BCKDHB: variants seen among roughly 807,000 people sequenced by gnomAD.
The protein encoded by BCKDHB is 2-oxoisovalerate dehydrogenase subunit beta, mitochondrial.
Under a neutral mutation model 48.5 loss-of-function variants are expected in BCKDHB, and 41 were observed. That is an observed-to-expected ratio of 0.85 (90% CI 0.66 to 1.10). The LOEUF is 1.10. Ranked by LOEUF, BCKDHB falls within the 50% of genes least tolerant of loss-of-function variation. BCKDHB has a pLI of 0.00. For missense variants in BCKDHB, 496 were observed against 494.2 expected, an observed-to-expected ratio of 1.00 and a Z score of -0.03; for synonymous variants, 201 against 174.8, an observed-to-expected ratio of 1.15 and a Z score of -1.18.
At chr6:80,404,483 T>C in the BCKDHB span, among the ~76,000 whole-genome samples, 1 of 151,886 alleles carries the variant, frequency 6.6e-6, no homozygotes, top group Non-Finnish European at 1.5e-5. Flanking sequence ...TAGCTAAGAA[T>C]TTGTCTATTT....
intron 9 of BCKDHB, among the ~76,000 whole-genome samples, chr6:80,291,921 G>C (rs1375792498): frequency 6.6e-6 from 1 of 152,168 alleles, no homozygotes; most frequent in Non-Finnish European, 1.5e-5. Context: ...CACATAAGCT[G>C]TTTTTAAATT....
rs115862878 is a variant in BCKDHB, at chr6:80,212,954, T to A, written c.951+9742T>A. On this transcript the variant is annotated intron_variant, in intron 8 of 9. Transcript: ENST00000320393. Reference sequence around the variant, plus strand: ...GTACTCTTGTTATTTACATTGTTGATCTTTCTTCCAAGTTCTGTGACAGCA... The same window carrying A: ...GTACTCTTGTTATTTACATTGTTGAACTTTCTTCCAAGTTCTGTGACAGCA... Among the ~76,000 whole-genome samples the A allele has an allele frequency of 5.7e-3, 873 of 152,312 alleles. 10 individuals carry two copies. The highest frequency in any genetic ancestry group is 0.02 in the African/African-American group (839 of 41,568).
the BCKDHB span, among the ~76,000 whole-genome samples, chr6:80,460,749 G>A: frequency 6.6e-6 from 1 of 152,090 alleles, no homozygotes; most frequent in Non-Finnish European, 1.5e-5. Flanking sequence ...TAATACTTTT[G>A]GAACAAGACT....
At chr6:80,186,346 G>T (rs1198398231) in intron 6 of BCKDHB, among the ~76,000 whole-genome samples, 7 of 152,112 alleles carry the variant, frequency 4.6e-5, no homozygotes, top group Non-Finnish European at 1.0e-4. Flanking sequence ...CAGGGAAGGG[G>T]GGAAAGCCGG....
chr6:80,407,432 A>G, the BCKDHB span, among the ~76,000 whole-genome samples: 2 of 152,138 alleles, frequency 1.3e-5, no homozygotes, highest in African/African-American at 2.4e-5. Context: ...CATTGAATCT[A>G]TAAGTTACCT....
chr6:80,111,817 TAGAC>T (rs745805376), intron 1 of BCKDHB, among the ~76,000 whole-genome samples: 83 of 152,094 alleles, frequency 5.5e-4, no homozygotes, highest in Middle Eastern at 3.4e-3. Context: ...CAAAAACAAA[TAGAC>T]AGGAAACCAT....
intron 9 of BCKDHB, among the ~76,000 whole-genome samples, chr6:80,299,031 G>T (rs1767411974): frequency 1.3e-5 from 2 of 151,394 alleles, no homozygotes; most frequent in Admixed American, 1.3e-4. Context: ...ACATCCCATA[G>T]TGCCAAACCC....
chr6:80,204,224 G>A (rs1774531246), intron 8 of BCKDHB, among the ~76,000 whole-genome samples: 1 of 152,050 alleles, frequency 6.6e-6, no homozygotes, highest in Non-Finnish European at 1.5e-5. Context: ...AGCCTAGGAT[G>A]TTTTTAGGTG....
At chr6:80,182,154 A>T (rs1773443002) in intron 6 of BCKDHB, among the ~76,000 whole-genome samples, 1 of 152,234 alleles carries the variant, frequency 6.6e-6, no homozygotes, top group Admixed American at 6.5e-5. Flanking sequence ...AGTTCCAGAT[A>T]TCTAAAGCCG....
the BCKDHB span, among the ~76,000 whole-genome samples, chr6:80,460,645 T>C: frequency 6.6e-6 from 1 of 152,146 alleles, no homozygotes; most frequent in Non-Finnish European, 1.5e-5. Flanking sequence ...TAGTGGTATA[T>C]TTCAGTTATG....
the BCKDHB span, among the ~76,000 whole-genome samples, chr6:80,375,102 T>C: frequency 1.3e-5 from 2 of 152,226 alleles, no homozygotes; most frequent in Non-Finnish European, 2.9e-5. Context: ...TCATCTTTAC[T>C]TTAGGTAACC....
At chr6:80,324,998 C>T (rs1768959888) in intron 9 of BCKDHB, among the ~76,000 whole-genome samples, 1 of 152,170 alleles carries the variant, frequency 6.6e-6, no homozygotes, top group South Asian at 2.1e-4. Flanking sequence ...GTAAAAGTCA[C>T]AGTGATTCAA....
chr6:80,134,252 T>C (rs1770774280), intron 3 of BCKDHB, among the ~76,000 whole-genome samples: 1 of 152,212 alleles, frequency 6.6e-6, no homozygotes, highest in Non-Finnish European at 1.5e-5. Context: ...TGCCTTTTCA[T>C]GGGACTTGAT....
chr6:80,407,537 C>T, the BCKDHB span, among the ~76,000 whole-genome samples: 1 of 152,126 alleles, frequency 6.6e-6, no homozygotes, highest in African/African-American at 2.4e-5. Context: ...TTTCATTGAG[C>T]AGTGGTTTGT....
chr6:80,411,195 A>T, the BCKDHB span, among the ~76,000 whole-genome samples: 3 of 152,198 alleles, frequency 2.0e-5, no homozygotes, highest in African/African-American at 7.2e-5. Context: ...TCCTTCTAAC[A>T]GGCCCCTCAG....
the BCKDHB span, among the ~76,000 whole-genome samples, chr6:80,446,378 C>A: frequency 6.6e-6 from 1 of 152,204 alleles, no homozygotes; most frequent in East Asian, 1.9e-4. Flanking sequence ...CCAGCACATC[C>A]CTTCTTGAGA....
intron 9 of BCKDHB, among the ~76,000 whole-genome samples, chr6:80,310,921 T>C (rs1006892276): frequency 6.6e-6 from 1 of 152,264 alleles, no homozygotes; most frequent in Non-Finnish European, 1.5e-5. Flanking sequence ...CTTCTGTTCA[T>C]GTCCTTTGCC....
intron 6 of BCKDHB, among the ~76,000 whole-genome samples, chr6:80,195,327 T>C (rs1203428599): frequency 1.3e-5 from 2 of 152,236 alleles, no homozygotes; most frequent in East Asian, 3.9e-4. Flanking sequence ...TAAAAGTGAT[T>C]ACTAGAAGAA....
intron 1 of BCKDHB, 77 bp from the exon 2 acceptor site, chr6:80,127,470 G>T (rs1770402697): frequency 1.7e-6 from 2 of 1,144,866 alleles, no homozygotes; most frequent in Admixed American, 3.4e-5. Flanking sequence ...TAGTCAAGTT[G>T]TAATTAACTG....
Sources: allele counts gnomAD v4.1 joint callset (sites outside exome capture counted in the v4.1 genomes callset), GRCh38; gene constraint gnomAD v4.1.1; transcripts MANE v1.5; gene names NCBI Gene and HGNC (gene_info 2026-07-23, HGNC 2026-07-21).